The following MYO10 variants were observed in gnomAD, a reference collection of about 807,000 sequenced individuals.
MYO10 encodes the protein unconventional myosin-X.
Under a neutral mutation model 257.3 loss-of-function variants are expected in MYO10, and 133 were observed. The ratio of observed to expected loss-of-function variants is 0.52; its 90% CI spans 0.45 to 0.60. MYO10 has a LOEUF of 0.60. Ranked by LOEUF, MYO10 falls within the 20% of genes least tolerant of loss-of-function variation. The pLI is 0.00. For missense variants in MYO10, 2,399 were observed against 2,635.7 expected, an observed-to-expected ratio of 0.91 and a Z score of 1.97; for synonymous variants, 1,104 against 1,028.6, an observed-to-expected ratio of 1.07 and a Z score of -1.40.
At chr5:16,926,816 T>A (rs1232077310) in intron 1 of MYO10, among the ~76,000 whole-genome samples, 11 of 151,930 alleles carry the variant, frequency 7.2e-5, no homozygotes, top group Admixed American at 4.6e-4. Flanking sequence ...ACATAACAAG[T>A]GAGTTTGCTA....
rs138444396 is a variant in MYO10, at chr5:16,736,894, G to A, written c.1929+17934C>T. 2.4e-3 allele frequency among the ~76,000 whole-genome samples: 363 copies of A among 152,090 alleles called. 1 individual carries two copies. The highest frequency in any genetic ancestry group is 8.2e-3 in the African/African-American group (339 of 41,478). ...TTGTTTTAGCTCAGCAAAATTTGTCGTAGACCCCTACTTATGTGTTATAAT... is the reference window on the plus strand; with the variant it reads ...TTGTTTTAGCTCAGCAAAATTTGTCATAGACCCCTACTTATGTGTTATAAT... On this transcript the variant is annotated intron_variant, in intron 19 of 40. Coordinates refer to ENST00000513610, the MANE Select transcript of MYO10 (RefSeq NM_012334.3).
At chr5:16,934,054 T>C (rs928967387) in intron 1 of MYO10, among the ~76,000 whole-genome samples, 3 of 152,202 alleles carry the variant, frequency 2.0e-5, no homozygotes, top group African/African-American at 7.2e-5. Context: ...AGATCACTAA[T>C]GGCCAACTGC....
chr5:16,794,315 CAGAT>C (rs1470191394), intron 4 of MYO10, among the ~76,000 whole-genome samples: 1 of 144,196 alleles, frequency 6.9e-6, no homozygotes, highest in Admixed American at 7.1e-5. Context: ...TTTCCTTAAA[CAGAT>C]AGAAGGACCA....
chr5:16,848,402 C>T (rs184743413), intron 2 of MYO10, among the ~76,000 whole-genome samples: 3 of 152,100 alleles, frequency 2.0e-5, no homozygotes, highest in African/African-American at 4.8e-5. Flanking sequence ...TGAGGTGATC[C>T]GCCTGCTTCG....
chr5:16,722,032 TA>T (rs1739172505), intron 19 of MYO10, among the ~76,000 whole-genome samples: 1 of 152,184 alleles, frequency 6.6e-6, no homozygotes, highest in South Asian at 2.1e-4. Context: ...GTTTCTTGAT[TA>T]AAATGCTCAC....
chr5:16,718,387 G>C (rs949291557), intron 19 of MYO10, among the ~76,000 whole-genome samples: 1 of 152,280 alleles, frequency 6.6e-6, no homozygotes, highest in Non-Finnish European at 1.5e-5. Context: ...CCTGGTGCGG[G>C]ATCCACTAGG....
intron 1 of MYO10, among the ~76,000 whole-genome samples, chr5:16,884,807 G>A (rs1020235284): frequency 4.6e-5 from 7 of 152,048 alleles, no homozygotes; most frequent in African/African-American, 9.7e-5. Flanking sequence ...CCACCTCGGT[G>A]CTATTGACAT....
intron 37 of MYO10, among the ~76,000 whole-genome samples, 167 bp from the exon 38 acceptor site, chr5:16,671,709 G>A (rs561239713): frequency 3.9e-5 from 6 of 152,236 alleles, no homozygotes; most frequent in Admixed American, 2.0e-4. Flanking sequence ...GTGAAAAAAC[G>A]TACTTTCATC....
chr5:16,934,620 A>G (rs907234290), intron 1 of MYO10, among the ~76,000 whole-genome samples: 1 of 152,202 alleles, frequency 6.6e-6, no homozygotes, highest in Non-Finnish European at 1.5e-5. Flanking sequence ...ATTGATGGAT[A>G]ATTCCTTTCT....
chr5:16,830,985 A>G (rs1381078545), intron 2 of MYO10, among the ~76,000 whole-genome samples: 1 of 152,176 alleles, frequency 6.6e-6, no homozygotes, highest in South Asian at 2.1e-4. Flanking sequence ...AATGATCTGT[A>G]TCCACTGCGT....
At position 16,699,489 on chromosome 5, in the gene MYO10, C is replaced by A. The variant is rs1466519771; in HGVS notation, c.3517G>T (p.Val1173Phe). The A allele has an allele frequency of 6.2e-7, 1 of 1,613,820 alleles. No homozygotes were observed. Residue 1173 changes from valine (V) to phenylalanine (F), a missense_variant, in exon 26 of 41, where the codon GTC (valine) becomes TTC (phenylalanine). By Grantham distance (50) the Val-to-Phe change is conservative. This residue lies in a region of MYO10 where 1,820 missense variants were observed against 1,939.4 expected (regional missense o/e 0.94). Coordinates refer to ENST00000513610, the MANE Select transcript of MYO10 (RefSeq NM_012334.3). The stretch of plus-strand genomic sequence containing the variant: ...AAGCTGTGGAAATACGGCAGAGTGA[C>A]ACAGCTGTACACAGAGTCACGCCGG... ...SYRRDSVYSC[V>F]TLPYFHSFLY...
intron 2 of MYO10, among the ~76,000 whole-genome samples, chr5:16,837,626 G>C (rs1743352973): frequency 6.6e-6 from 1 of 152,080 alleles, no homozygotes; most frequent in African/African-American, 2.4e-5. Context: ...ATGGTTTGTG[G>C]GTTACATCTC....
rs773371564 is a variant in MYO10, at chr5:16,701,081, C to A, written c.3314G>T (p.Ser1105Ile). ...GTAGGAGTTGGAGAAGGTCACGCTG[C>A]TGCCGGAAGTGATGGCACCGTCCTC... ...DYEDGAITSG[S>I]SVTFSNSYGS... is the part of the protein sequence containing the mutation. The change falls in exon 25 of 41, where the codon AGC becomes ATC. Residue 1105 changes from serine (S) to isoleucine (I), a missense_variant. Transcript: ENST00000513610. The surrounding 1 kb of genome is among the most constrained non-coding windows in gnomAD (Gnocchi z 8.1). 1 of 1,579,004 alleles carries A rather than the reference C, an allele frequency of 6.3e-7. No individual in the cohort carries two copies. The highest frequency in any genetic ancestry group is 8.6e-7 in the Non-Finnish European group (1 of 1,163,176).
chr5:16,935,258 A>C (rs1182825550), intron 1 of MYO10, among the ~76,000 whole-genome samples: 8 of 152,108 alleles, frequency 5.3e-5, no homozygotes, highest in Non-Finnish European at 1.5e-5. Context: ...TTAAAAGAGC[A>C]CTTCTCGGCG....
chr5:16,723,330 G>A (rs1739228632), intron 19 of MYO10, among the ~76,000 whole-genome samples: 1 of 152,116 alleles, frequency 6.6e-6, no homozygotes, highest in Admixed American at 6.6e-5. Context: ...GGAGCTTGCA[G>A]TGAGCCAAGG....
At chr5:16,904,695 C>T (rs994819149) in intron 1 of MYO10, among the ~76,000 whole-genome samples, 2 of 152,010 alleles carry the variant, frequency 1.3e-5, no homozygotes, top group South Asian at 2.1e-4. Context: ...TTTGGGAGGC[C>T]GAGGCGGGCA....
At chr5:16,789,737 G>C (rs549511379) in intron 4 of MYO10, among the ~76,000 whole-genome samples, 102 of 152,288 alleles carry the variant, frequency 6.7e-4, no homozygotes, top group Non-Finnish European at 1.2e-3. Flanking sequence ...AGCCGAGATT[G>C]TGCCACCGCA....
intron 2 of MYO10, among the ~76,000 whole-genome samples, chr5:16,823,117 T>C (rs947667247): frequency 3.3e-5 from 5 of 151,514 alleles, no homozygotes; most frequent in Non-Finnish European, 7.4e-5. Flanking sequence ...GTGCAAGGTA[T>C]ACAGCAGGAA....
intron 3 of MYO10, among the ~76,000 whole-genome samples, chr5:16,810,287 C>T (rs1742397434): frequency 6.6e-6 from 1 of 152,104 alleles, no homozygotes; most frequent in African/African-American, 2.4e-5. Context: ...CTTGACAAGA[C>T]CGGGAGACAG....
Sources: gnomAD v4.1 joint callset for allele counts (sites outside exome capture counted in the v4.1 genomes callset) on GRCh38, gnomAD v4.1.1 for gene constraint, gnomAD v4.1.1 regional missense constraint, Gnocchi (gnomAD v3.1) non-coding constraint, MANE v1.5 for transcripts, NCBI Gene and HGNC (gene_info 2026-07-23, HGNC 2026-07-21) for gene names.